MTUS2: variants seen among roughly 807,000 people sequenced by gnomAD.
MTUS2 encodes microtubule associated scaffold protein 2.
A neutral mutation model predicts 114.1 loss-of-function variants in MTUS2; 40 were observed. That is an observed-to-expected ratio of 0.35 (90% CI 0.27 to 0.46). The LOEUF (loss-of-function observed/expected upper bound fraction) is 0.46, where lower values mean the gene tolerates loss of function less well. MTUS2 is among the 20% of genes least tolerant of loss of function. The probability of loss-of-function intolerance (pLI) is 1.00; values close to 1 mark genes in which losing one functional copy is unlikely to be tolerated. For synonymous variants in MTUS2, 688 were observed against 672.0 expected (o/e 1.02, Z -0.37); for missense variants, 1,679 against 1,705.4 (o/e 0.98, Z 0.27).
intron 2 of MTUS2, among the ~76,000 whole-genome samples, chr13:28,892,626 G>T (rs1356304163): frequency 6.6e-6 from 1 of 152,146 alleles, no homozygotes. Flanking sequence ...GGTGGGGTTG[G>T]ATGAGAGGTT....
intron 4 of MTUS2, among the ~76,000 whole-genome samples, chr13:29,080,151 A>G (rs977682502): frequency 6.6e-6 from 1 of 152,176 alleles, no homozygotes; most frequent in Admixed American, 6.5e-5. Context: ...CTCTGTGGAC[A>G]TAGGTGGATT....
At chr13:29,239,833 T>C (rs1896669476) in intron 5 of MTUS2, 1 of 152,212 alleles carries the variant, frequency 6.6e-6, no homozygotes, top group Non-Finnish European at 1.5e-5. Flanking sequence ...AATATGCACT[T>C]TCTCTTGTGC....
chr13:29,261,153 A>G (rs1391609354), intron 5 of MTUS2, among the ~76,000 whole-genome samples: 1 of 152,220 alleles, frequency 6.6e-6, no homozygotes, highest in Non-Finnish European at 1.5e-5. Flanking sequence ...AGTTCAAGGA[A>G]TAAATACTAT....
In MTUS2 at chr13:29,058,833, G is replaced by A. The variant is rs148126120; in HGVS notation, c.2446+24708G>A. Among the ~76,000 whole-genome samples, 192 of 151,526 alleles carry A rather than the reference G, an allele frequency of 1.3e-3. 1 individual carries two copies. Among genetic ancestry groups the A allele is most frequent in the African/African-American group, 4.3e-3 (177 of 41,268 alleles). ...GCGGTGTTTGGTTTTTTGTCCTTAC[G>A]ATAGTTTGCGTTGATTCTGCTGTTA... On this transcript the variant is annotated intron_variant, in intron 4 of 15. Transcript: ENST00000612955.
At chr13:28,934,985 C>G (rs936505207) in intron 2 of MTUS2, among the ~76,000 whole-genome samples, 1 of 147,550 alleles carries the variant, frequency 6.8e-6, no homozygotes, top group African/African-American at 2.6e-5. Flanking sequence ...CGTAGGTGAC[C>G]ACTTGTTTCA....
At chr13:29,114,348 C>G (rs1891000343) in intron 5 of MTUS2, among the ~76,000 whole-genome samples, 1 of 152,098 alleles carries the variant, frequency 6.6e-6, no homozygotes, top group Admixed American at 6.6e-5. Context: ...GTTTATTTTA[C>G]AAGTTCATAC....
intron 8 of MTUS2, among the ~76,000 whole-genome samples, chr13:29,369,987 T>C (rs1871070255): frequency 6.6e-6 from 1 of 152,128 alleles, no homozygotes; most frequent in South Asian, 2.1e-4. Flanking sequence ...ATTACAAAGA[T>C]GGTCAATAGT....
rs1007863664 is a variant in MTUS2, at chr13:29,051,308, C to T, written c.2446+17183C>T. On this transcript the variant is annotated intron_variant, in intron 4 of 15. Coordinates refer to ENST00000612955, the MANE Select transcript of MTUS2 (RefSeq NM_001033602.4). ...CTGCTAGGATTTTGGCTTGAGCTAC[C>T]GGAAGGATGGTGATGTTATTTATTC... Among the ~76,000 whole-genome samples, 7 of 152,188 alleles carry T rather than the reference C, an allele frequency of 4.6e-5. No individual in the cohort carries two copies. The South Asian group carries it at 1.0e-3, about 23-fold the overall frequency.
chr13:29,299,510 A>G (rs181034134), intron 6 of MTUS2, among the ~76,000 whole-genome samples: 1 of 152,330 alleles, frequency 6.6e-6, no homozygotes, highest in East Asian at 1.9e-4. Flanking sequence ...ACTTGTACTT[A>G]CACACCTAAT....
chr13:29,370,810 T>A (rs1871128665), intron 8 of MTUS2, among the ~76,000 whole-genome samples: 1 of 152,090 alleles, frequency 6.6e-6, no homozygotes, highest in South Asian at 2.1e-4. Flanking sequence ...AATATATAGC[T>A]CAAATTAGAA....
chr13:29,138,725 A>T (rs769381346), intron 5 of MTUS2, among the ~76,000 whole-genome samples: 1 of 148,644 alleles, frequency 6.7e-6, no homozygotes, highest in African/African-American at 2.4e-5. Flanking sequence ...ATGATAAATA[A>T]ATTTTTTCTT....
At chr13:29,091,060 C>T (rs182781075) in intron 4 of MTUS2, among the ~76,000 whole-genome samples, 13 of 152,242 alleles carry the variant, frequency 8.5e-5, no homozygotes, top group Admixed American at 6.5e-4. Flanking sequence ...TACTCAGCAA[C>T]TTTGTGCAGG....
At chr13:28,990,786 C>G (rs1232054934) in intron 2 of MTUS2, among the ~76,000 whole-genome samples, 1 of 152,190 alleles carries the variant, frequency 6.6e-6, no homozygotes, top group Non-Finnish European at 1.5e-5. Context: ...AAGGTTTGTT[C>G]TTTCGCTCTT....
intron 2 of MTUS2, among the ~76,000 whole-genome samples, chr13:28,917,243 T>C (rs1347343176): frequency 6.6e-6 from 1 of 151,840 alleles, no homozygotes; most frequent in Non-Finnish European, 1.5e-5. Context: ...TGTATCCTTA[T>C]TTGGTTTTGG....
intron 2 of MTUS2, among the ~76,000 whole-genome samples, chr13:28,906,309 T>G (rs1880009497): frequency 6.6e-6 from 1 of 151,178 alleles, no homozygotes; most frequent in South Asian, 2.1e-4. Context: ...TTTGAATGTG[T>G]TTGCTCTTGC....
chr13:29,012,157 A>G lies in MTUS2; in HGVS notation c.-242-12300A>G, dbSNP rs1469104784. On this transcript the variant is annotated intron_variant, in intron 2 of 15. Coordinates refer to ENST00000612955, the MANE Select transcript of MTUS2 (RefSeq NM_001033602.4). ...CATCCATTCCGTGAGTCTAAGGCGT[A>G]TGGAAGAGAGTCAAGGACGTGCAGC... Among the ~76,000 whole-genome samples the G allele has an allele frequency of 3.9e-5, 6 of 152,312 alleles. No individual in the cohort carries two copies. The East Asian group carries it at 9.7e-4, about 25-fold the overall frequency.
chr13:29,448,621 G>A (rs936267924), intron 9 of MTUS2, among the ~76,000 whole-genome samples: 1 of 151,822 alleles, frequency 6.6e-6, no homozygotes, highest in African/African-American at 2.4e-5. Flanking sequence ...TGTTCTCGGT[G>A]TCCCCACCCA....
intron 2 of MTUS2, among the ~76,000 whole-genome samples, chr13:28,946,272 CGTGTGT>C (rs58873985): frequency 0.32 from 47,894 of 148,870 alleles, 7,672 homozygotes; most frequent in East Asian, 0.41. Context: ...TTTCTGTCTG[CGTGTGT>C]GTGTGTGTGT....
intron 7 of MTUS2, among the ~76,000 whole-genome samples, chr13:29,350,560 ATCT>A (rs1051640041): frequency 2.4e-4 from 37 of 152,098 alleles, no homozygotes; most frequent in African/African-American, 6.5e-4. Flanking sequence ...ACCCAAGATC[ATCT>A]TCTTCTTAAT....
Sources: gnomAD v4.1 joint callset for allele counts (sites outside exome capture counted in the v4.1 genomes callset) on GRCh38, gnomAD v4.1.1 for gene constraint, MANE v1.5 for transcripts, NCBI Gene and HGNC (gene_info 2026-07-23, HGNC 2026-07-21) for gene names.